Variants in ALDH7A1 observed in about 807,000 individuals in gnomAD.
The protein encoded by ALDH7A1 is aldehyde dehydrogenase 7 family member A1, also known as alpha-aminoadipic semialdehyde dehydrogenase.
A neutral mutation model predicts 79.9 loss-of-function variants in ALDH7A1; 63 were observed. The ratio of observed to expected loss-of-function variants is 0.79; its 90% CI spans 0.64 to 0.97. The LOEUF (loss-of-function observed/expected upper bound fraction) is 0.97, where lower values mean the gene tolerates loss of function less well. ALDH7A1 is among the 50% of genes least tolerant of loss of function. The pLI is 0.00. For synonymous variants in ALDH7A1, 240 were observed against 231.2 expected, an observed-to-expected ratio of 1.04 and a Z score of -0.34; for missense variants, 627 against 665.2, an observed-to-expected ratio of 0.94 and a Z score of 0.63.
intron 5 of ALDH7A1, among the ~76,000 whole-genome samples, chr5:126,577,815 C>T (rs1023101088): frequency 5.3e-5 from 8 of 151,864 alleles, no homozygotes; most frequent in Admixed American, 3.3e-4. Flanking sequence ...ATCCATCCAC[C>T]TTGGCCTCCC....
intron 4 of ALDH7A1, among the ~76,000 whole-genome samples, chr5:126,583,493 A>C (rs1377556531): frequency 6.7e-6 from 1 of 150,092 alleles, no homozygotes; most frequent in African/African-American, 2.4e-5. Flanking sequence ...AAAATAAATA[A>C]ATAAATAAAT....
intron 3 of ALDH7A1, among the ~76,000 whole-genome samples, chr5:126,589,505 G>A (rs1049885434): frequency 6.6e-6 from 1 of 151,904 alleles, no homozygotes; most frequent in Non-Finnish European, 1.5e-5. Flanking sequence ...GGAAGGCCAG[G>A]TGAAGTGGCT....
intron 12 of ALDH7A1, 115 bp downstream of exon 12, chr5:126,555,816 A>T: frequency 1.2e-6 from 1 of 819,514 alleles, no homozygotes; most frequent in Middle Eastern, 2.3e-4. Context: ...AACCTGCTTC[A>T]TGTGCCTTCA....
At chr5:126,585,319 G>A (rs1481021845) in intron 3 of ALDH7A1, among the ~76,000 whole-genome samples, 1 of 151,940 alleles carries the variant, frequency 6.6e-6, no homozygotes, top group Non-Finnish European at 1.5e-5. Context: ...ATAAAGTACA[G>A]GTAAAAGGAA....
At position 126,542,561 on chromosome 5, in the gene ALDH7A1, A is replaced by T. The variant is rs1462220538; in HGVS notation, c.*2404T>A. 6.6e-6 allele frequency: 1 copy of T among 152,196 alleles called. No homozygotes were observed. The highest frequency in any genetic ancestry group is 1.5e-5 in the Non-Finnish European group (1 of 68,116). The allele number at this position is 152,196 out of a possible 1,614,324, so 9.4% of individuals were successfully genotyped here. On this transcript the variant is annotated 3_prime_UTR_variant, in exon 18 of 18. Transcript: ENST00000409134. ...GCACCTGTAGTCCCAGCTACTGGGG[A>T]GCATGAGGTGGAAGGATAGATTGAG... is the stretch of plus-strand genomic sequence containing the variant.
intron 11 of ALDH7A1, among the ~76,000 whole-genome samples, chr5:126,558,220 C>T (rs1268114531): frequency 6.8e-6 from 1 of 147,722 alleles, no homozygotes; most frequent in African/African-American, 2.5e-5. Context: ...AAAACTTGCT[C>T]AGTTATAGTA....
intron 3 of ALDH7A1, among the ~76,000 whole-genome samples, chr5:126,590,977 G>C (rs1338831540): frequency 6.6e-6 from 1 of 151,504 alleles, no homozygotes; most frequent in Non-Finnish European, 1.5e-5. Flanking sequence ...ATATATGGAT[G>C]TACAATAATC....
At chr5:126,548,028 G>A (rs1749850761) in intron 16 of ALDH7A1, among the ~76,000 whole-genome samples, 1 of 151,534 alleles carries the variant, frequency 6.6e-6, no homozygotes, top group African/African-American at 2.4e-5. Flanking sequence ...CTCCAGCATA[G>A]GCAACAGAGC....
chr5:126,582,262 T>C (rs895330222), intron 5 of ALDH7A1: 4 of 395,994 alleles, frequency 1.0e-5, no homozygotes, highest in African/African-American at 8.2e-5. Flanking sequence ...CAACCTTTTA[T>C]TGCTTTCTTA....
intron 6 of ALDH7A1, among the ~76,000 whole-genome samples, chr5:126,576,581 C>A (rs1165661893): frequency 1.3e-5 from 2 of 152,028 alleles, no homozygotes; most frequent in Admixed American, 1.3e-4. Context: ...AATTTAAGAC[C>A]TAAATGGAAA....
rs547648055 is a variant in ALDH7A1, at chr5:126,574,612, G to A, written c.695+808C>T. ...CGGGAGGCTGAGGCAGGAGAATGGC[G>A]TGAACCCGGGAGGTGGAGCTTGCAG... On this transcript the variant is annotated intron_variant, in intron 7 of 17. Coordinates refer to ENST00000409134, the MANE Select transcript of ALDH7A1 (RefSeq NM_001182.5). Among the ~76,000 whole-genome samples the A allele has an allele frequency of 1.1e-4, 17 of 151,192 alleles. No homozygotes were observed. The South Asian group carries it at 2.9e-3, about 26-fold the overall frequency.
chr5:126,581,471 CA>C (rs542618783), intron 5 of ALDH7A1: 5,739 of 135,530 alleles, frequency 0.042, 177 homozygotes, highest in Admixed American at 0.11. Flanking sequence ...CCCACCTCTA[CA>C]AAAAAAAAAA....
chr5:126,558,166 C>CAAAAA (rs35559498), intron 11 of ALDH7A1, among the ~76,000 whole-genome samples: 83 of 75,370 alleles, frequency 1.1e-3, no homozygotes, highest in East Asian at 4.0e-3. Context: ...GACTCCAACT[C>CAAAAA]AAAAAAAAAA....
At chr5:126,571,106 C>T in intron 7 of ALDH7A1, 1 of 381,000 alleles carries the variant, frequency 2.6e-6, no homozygotes, top group Non-Finnish European at 4.9e-6. Context: ...ACCTGGATTT[C>T]TCCTCACATA....
intron 9 of ALDH7A1, 151 bp downstream of exon 9, chr5:126,568,108 A>G: frequency 1.4e-6 from 1 of 735,784 alleles, no homozygotes; most frequent in Non-Finnish European, 2.4e-6. Context: ...TCTACTGCTA[A>G]TAACTGTACC....
chr5:126,594,201 A>C (rs1297520712), intron 1 of ALDH7A1: 3 of 471,024 alleles, frequency 6.4e-6, no homozygotes, highest in Admixed American at 4.7e-5. Flanking sequence ...CTGAAAATCC[A>C]GTCCTCAAAG....
At chr5:126,579,538 T>A (rs1260205841) in intron 5 of ALDH7A1, among the ~76,000 whole-genome samples, 1 of 152,162 alleles carries the variant, frequency 6.6e-6, no homozygotes, top group African/African-American at 2.4e-5. Flanking sequence ...CTATGCCTTA[T>A]AGCTCGAGTA....
At chr5:126,585,810 G>A (rs1266017953) in intron 3 of ALDH7A1, among the ~76,000 whole-genome samples, 2 of 152,072 alleles carry the variant, frequency 1.3e-5, no homozygotes, top group Non-Finnish European at 2.9e-5. Flanking sequence ...TAATCCGCCT[G>A]CCTCGGCCTC....
intron 14 of ALDH7A1, among the ~76,000 whole-genome samples, chr5:126,551,007 T>C (rs1253955506): frequency 6.6e-6 from 1 of 152,196 alleles, no homozygotes; most frequent in Non-Finnish European, 1.5e-5. Flanking sequence ...TTGGGTTTTA[T>C]TTATTTGTTT....
Sources: gnomAD v4.1 joint callset for allele counts (sites outside exome capture counted in the v4.1 genomes callset) on GRCh38, gnomAD v4.1.1 for gene constraint, MANE v1.5 for transcripts, NCBI Gene and HGNC (gene_info 2026-07-23, HGNC 2026-07-21) for gene names.